GRIK4: variants seen among roughly 807,000 people sequenced by gnomAD.
GRIK4 encodes the protein glutamate receptor ionotropic, kainate 4.
In GRIK4, 40 loss-of-function variants were observed where a neutral mutation model predicts 104.9. The observed-to-expected ratio is 0.38, with a 90% confidence interval of 0.30 to 0.50. The LOEUF (loss-of-function observed/expected upper bound fraction) is 0.50. Ranked by LOEUF, GRIK4 falls within the 20% of genes least tolerant of loss-of-function variation. GRIK4 has a pLI of 0.93. For missense variants in GRIK4, 1,047 were observed against 1,308.1 expected (o/e 0.80, Z 3.08); for synonymous variants, 485 against 524.9 (o/e 0.92, Z 1.04).
Position 120,953,038 on chromosome 11 carries a change from G to T in GRIK4, c.1700+74G>T, listed in dbSNP as rs538139603. 12 of 947,688 alleles carry T rather than the reference G, an allele frequency of 1.3e-5. No homozygotes were observed. The highest frequency in any genetic ancestry group is 1.9e-5 in the Non-Finnish European group (11 of 590,478). The allele number at this position is 947,688 out of a possible 1,614,324, so 58.7% of individuals were successfully genotyped here. ...CCTCTGGGAACTGCATGGGGAGGGG[G>T]TGGGGAGGAGGAGAGGGGGAGGAGG... On this transcript the variant is annotated intron_variant, in intron 15 of 20. Transcript: ENST00000527524. This position sits in a 1 kb window ranked among gnomAD's most constrained non-coding sequence, Gnocchi z 4.9.
intron 3 of GRIK4, among the ~76,000 whole-genome samples, chr11:120,668,257 GAAAT>G (rs768155305): frequency 5.5e-5 from 7 of 128,094 alleles, no homozygotes; most frequent in Admixed American, 4.0e-4. Flanking sequence ...GCAGATGAAA[GAAAT>G]AAGAAAGAAA....
intron 3 of GRIK4, among the ~76,000 whole-genome samples, chr11:120,693,010 G>A (rs1300505769): frequency 6.6e-6 from 1 of 152,174 alleles, no homozygotes; most frequent in Non-Finnish European, 1.5e-5. Flanking sequence ...GGGATTACAG[G>A]CGTGAGCCAC....
chr11:120,561,944 C>T (rs768194676), intron 1 of GRIK4, among the ~76,000 whole-genome samples: 2 of 152,142 alleles, frequency 1.3e-5, no homozygotes, highest in Non-Finnish European at 2.9e-5. Context: ...AAAGAATATC[C>T]AGGAGGGTAT....
intron 3 of GRIK4, among the ~76,000 whole-genome samples, chr11:120,678,575 T>C (rs1034923813): frequency 5.3e-5 from 8 of 152,046 alleles, no homozygotes; most frequent in Non-Finnish European, 1.5e-5. Context: ...GAGGAGTGGC[T>C]TGGCTGGTGG....
intron 1 of GRIK4, among the ~76,000 whole-genome samples, chr11:120,526,503 C>T (rs1947858807): frequency 6.6e-6 from 1 of 152,198 alleles, no homozygotes; most frequent in African/African-American, 2.4e-5. Flanking sequence ...CAGCCATGTG[C>T]ACTTTTCTGT....
At position 120,811,387 on chromosome 11, in the gene GRIK4, G is replaced by T. The variant is rs144227014; in HGVS notation, c.248-3991G>T. 3.0e-3 allele frequency among the ~76,000 whole-genome samples: 462 copies of T among 152,260 alleles called. 2 individuals are homozygous for T. Among genetic ancestry groups the T allele is most frequent in the African/African-American group, 0.011 (445 of 41,560 alleles). On this transcript the variant is annotated intron_variant, in intron 4 of 20. Transcript: ENST00000527524. ...TGCCATTTGCTGGGGATGGCTGTGC[G>T]GTGCAGTGGTTAAGGGGCCGGTCTT... is the stretch of plus-strand genomic sequence containing the variant.
intron 14 of GRIK4, among the ~76,000 whole-genome samples, chr11:120,944,631 T>C (rs1352566695): frequency 6.6e-6 from 1 of 152,204 alleles, no homozygotes; most frequent in African/African-American, 2.4e-5. Context: ...TTTCCTAATC[T>C]CTACTGCCAT....
intron 3 of GRIK4, among the ~76,000 whole-genome samples, chr11:120,705,836 A>G (rs1403288994): frequency 1.3e-5 from 2 of 152,166 alleles, no homozygotes; most frequent in African/African-American, 2.4e-5. Context: ...TAGAAACTCA[A>G]CTGATTTTGG....
chr11:120,585,269 T>C (rs568835336), intron 1 of GRIK4, among the ~76,000 whole-genome samples: 1 of 152,304 alleles, frequency 6.6e-6, no homozygotes, highest in East Asian at 1.9e-4. Context: ...TGAACATGGG[T>C]ACACACATAT....
intron 3 of GRIK4, among the ~76,000 whole-genome samples, chr11:120,695,348 G>C (rs1282622844): frequency 6.6e-6 from 1 of 152,214 alleles, no homozygotes; most frequent in Non-Finnish European, 1.5e-5. Flanking sequence ...CCCTCCCTCT[G>C]GCCCAGGTGG....
At chr11:120,932,655 G>A (rs1477322604) in intron 13 of GRIK4, among the ~76,000 whole-genome samples, 1 of 152,132 alleles carries the variant, frequency 6.6e-6, no homozygotes, top group African/African-American at 2.4e-5. Flanking sequence ...GCTTATTCTG[G>A]GTAGCGTTTT....
Position 120,802,788 on chromosome 11 carries a change from G to A in GRIK4, c.178G>A (p.Gly60Ser), listed in dbSNP as rs147924750. ...CATCAACCGCGCTCCTGAGAGGCTG[G>A]GCAAGGCCAAGGTCGAAGTGGACAT... ...NRINRAPERLGKAKVEVDIFE... is the reference protein window; with the variant it reads ...NRINRAPERLSKAKVEVDIFE... Residue 60 changes from glycine to serine, a missense_variant, in exon 4 of 21, where the codon GGC (glycine) becomes AGC (serine). Around this residue, in one of 3 missense-constraint regions of GRIK4, gnomAD observed 447 missense variants for 514.9 expected, o/e 0.87. Coordinates refer to ENST00000527524, the MANE Select transcript of GRIK4 (RefSeq NM_014619.5). 1 of 1,614,078 alleles carries A rather than the reference G, an allele frequency of 6.2e-7. No homozygotes were observed. The highest frequency in any genetic ancestry group is 1.3e-5 in the African/African-American group (1 of 74,922).
Position 120,985,858 on chromosome 11 carries a change from G to A in GRIK4, c.2515-46G>A, listed in dbSNP as rs781502202. On this transcript the variant is annotated intron_variant, in intron 20 of 20. Coordinates refer to ENST00000527524, the MANE Select transcript of GRIK4 (RefSeq NM_014619.5). ...CCCAGCGGACTCGCAGGGGGCCCACGGGGGCTGGTTGAGAGGCTGGGCCCT... is the reference window on the plus strand; with the variant it reads ...CCCAGCGGACTCGCAGGGGGCCCACAGGGGCTGGTTGAGAGGCTGGGCCCT... 1.0e-5 allele frequency: 16 copies of A among 1,540,350 alleles called. No individual in the cohort carries two copies. In the Admixed American group the frequency reaches 1.2e-4, roughly 12 times the overall value.
intron 11 of GRIK4, among the ~76,000 whole-genome samples, chr11:120,883,568 G>A (rs901373048): frequency 1.3e-5 from 2 of 152,222 alleles, no homozygotes; most frequent in Non-Finnish European, 2.9e-5. Flanking sequence ...GTAACCTGAA[G>A]GGTGTTTTCT....
intron 6 of GRIK4, among the ~76,000 whole-genome samples, chr11:120,830,187 G>GAA (rs559392750): frequency 2.7e-5 from 3 of 112,796 alleles, no homozygotes; most frequent in African/African-American, 3.1e-5. Flanking sequence ...TTCCTATGAA[G>GAA]AAAAAAAAAA....
rs144305072 is a variant in GRIK4 at position 120,645,915 on chromosome 11, G to A, written c.-158-7770G>A. ...CCGGGTTTTGTTGCTGAGCACAGCA[G>A]GTGGGCCTTGTTTGTAATTCACTTG... On this transcript the variant is annotated intron_variant, in intron 1 of 20. Coordinates refer to ENST00000527524, the MANE Select transcript of GRIK4 (RefSeq NM_014619.5). 3.2e-3 allele frequency among the ~76,000 whole-genome samples: 485 copies of A among 152,342 alleles called. 1 individual carries two copies. The highest frequency in any genetic ancestry group is 4.8e-3 in the Non-Finnish European group (325 of 68,044).
At chr11:120,779,788 C>G (rs1458869612) in intron 3 of GRIK4, among the ~76,000 whole-genome samples, 2 of 152,230 alleles carry the variant, frequency 1.3e-5, no homozygotes, top group Non-Finnish European at 2.9e-5. Flanking sequence ...TTTCTCTTAG[C>G]TAGGCAGGTA....
chr11:120,642,435 G>A (rs1949481630), intron 1 of GRIK4, among the ~76,000 whole-genome samples: 1 of 151,842 alleles, frequency 6.6e-6, no homozygotes, highest in South Asian at 2.1e-4. Context: ...CCTGTTCTGG[G>A]ACAAACTCTG....
At chr11:120,760,819 G>T (rs1377084957) in intron 3 of GRIK4, among the ~76,000 whole-genome samples, 2 of 152,002 alleles carry the variant, frequency 1.3e-5, no homozygotes, top group Non-Finnish European at 2.9e-5. Flanking sequence ...GTGTATATGT[G>T]CCACATTTTT....
Sources: allele counts gnomAD v4.1 joint callset (sites outside exome capture counted in the v4.1 genomes callset), GRCh38; gene constraint gnomAD v4.1.1; regional missense constraint gnomAD v4.1.1; non-coding constraint Gnocchi (gnomAD v3.1); transcripts MANE v1.5; gene names NCBI Gene and HGNC (gene_info 2026-07-23, HGNC 2026-07-21).